NFIB: variants seen among roughly 807,000 people sequenced by gnomAD.
NFIB encodes the protein nuclear factor I B, also known as nuclear factor 1 B-type.
A neutral mutation model predicts 61.5 loss-of-function variants in NFIB; 11 were observed. That is an observed-to-expected ratio of 0.18 (90% CI 0.11 to 0.30). The LOEUF (loss-of-function observed/expected upper bound fraction) is 0.30. Among genes scored for constraint, NFIB ranks in the 10% least tolerant of loss-of-function variants. The pLI is 1.00. For synonymous variants in NFIB, 260 were observed against 216.5 expected, an observed-to-expected ratio of 1.20 and a Z score of -1.76; for missense variants, 471 against 608.9, an observed-to-expected ratio of 0.77 and a Z score of 2.38.
At chr9:14,202,385 G>C (rs1246242786) in intron 2 of NFIB, among the ~76,000 whole-genome samples, 1 of 152,126 alleles carries the variant, frequency 6.6e-6, no homozygotes, top group Non-Finnish European at 1.5e-5. Flanking sequence ...TTATCTTTCA[G>C]AATAGATGAA....
the NFIB span, among the ~76,000 whole-genome samples, chr9:14,485,438 A>G: frequency 2.0e-5 from 3 of 152,220 alleles, no homozygotes; most frequent in Non-Finnish European, 4.4e-5. Context: ...AAGAAGGTGT[A>G]TCAGTCTTCA....
chr9:14,522,287 C>T, the NFIB span, among the ~76,000 whole-genome samples: 3 of 151,698 alleles, frequency 2.0e-5, no homozygotes, highest in Non-Finnish European at 2.9e-5. Flanking sequence ...AATATTCCAG[C>T]GTTTATGTGT....
chr9:14,319,297 A>C (rs945857045), intron 1 of NFIB, among the ~76,000 whole-genome samples: 2 of 152,192 alleles, frequency 1.3e-5, no homozygotes, highest in African/African-American at 4.8e-5. Context: ...TCCTCCACTA[A>C]GGTTATCCGG....
At position 14,367,981 on chromosome 9, in the gene NFIB, A is replaced by T. The variant is rs554095915; in HGVS notation, c.108+30543T>A. 7.2e-5 allele frequency among the ~76,000 whole-genome samples: 11 copies of T among 152,262 alleles called. 1 individual carries two copies. The South Asian group carries it at 2.3e-3, about 32-fold the overall frequency. ...CTCCATGGCACGTGTATACCTATGT[A>T]ACAAACCTGCACGTTCTGCACATGT... is the stretch of plus-strand genomic sequence containing the variant. On this transcript the variant is annotated intron_variant, in intron 1 of 8. Coordinates refer to the NFIB transcript ENST00000380934.
chr9:14,114,706 T>C (rs2037869694), intron 9 of NFIB, among the ~76,000 whole-genome samples: 4 of 152,232 alleles, frequency 2.6e-5, no homozygotes, highest in Admixed American at 2.6e-4. Context: ...ATAAGTGAAC[T>C]GTGATCATTT....
intron 2 of NFIB, among the ~76,000 whole-genome samples, chr9:14,184,798 A>C (rs1239821991): frequency 1.3e-5 from 2 of 152,162 alleles, no homozygotes; most frequent in African/African-American, 4.8e-5. Context: ...AGGCAGGCAG[A>C]TTACTTGAGG....
At chr9:14,147,737 G>A (rs1164964126) in intron 5 of NFIB, among the ~76,000 whole-genome samples, 1 of 149,226 alleles carries the variant, frequency 6.7e-6, no homozygotes, top group African/African-American at 2.5e-5. Context: ...CACCTCCCAG[G>A]CTCAAACAAT....
chr9:14,407,835 A>G, the NFIB span, among the ~76,000 whole-genome samples: 23 of 152,042 alleles, frequency 1.5e-4, no homozygotes, highest in Admixed American at 1.5e-3. Flanking sequence ...ACAAGTGTGT[A>G]CCACCGTGCT....
At chr9:14,088,476 T>C (rs929922234) in intron 10 of NFIB, 150 bp from the exon 11 acceptor site, 4 of 787,974 alleles carry the variant, frequency 5.1e-6, no homozygotes, top group Non-Finnish European at 5.2e-6. Flanking sequence ...GAGATAAATG[T>C]GCCAAATTAT....
chr9:14,169,213 C>T (rs1054944244), intron 3 of NFIB, among the ~76,000 whole-genome samples: 5 of 152,098 alleles, frequency 3.3e-5, no homozygotes, highest in Non-Finnish European at 7.4e-5. Context: ...ATGACATTAA[C>T]AAGTGGAAGT....
the NFIB span, among the ~76,000 whole-genome samples, chr9:14,427,584 C>A: frequency 6.6e-6 from 1 of 152,174 alleles, no homozygotes; most frequent in Non-Finnish European, 1.5e-5. Flanking sequence ...CATTGTTACT[C>A]TGGATAAGGA....
At chr9:14,389,875 C>G (rs1310896074) in intron 1 of NFIB, among the ~76,000 whole-genome samples, 3 of 152,164 alleles carry the variant, frequency 2.0e-5, no homozygotes, top group Admixed American at 2.0e-4. Context: ...GATATAGAAT[C>G]AAAGAAATGT....
intron 4 of NFIB, among the ~76,000 whole-genome samples, chr9:14,154,308 A>G (rs2043157522): frequency 6.6e-6 from 1 of 152,082 alleles, no homozygotes; most frequent in African/African-American, 2.4e-5. Context: ...TTGAACTCAG[A>G]GAAGTACAAA....
the NFIB span, among the ~76,000 whole-genome samples, chr9:14,467,669 T>C: frequency 6.6e-5 from 10 of 152,370 alleles, no homozygotes; most frequent in South Asian, 1.4e-3. Flanking sequence ...TAAATATTTA[T>C]TGATTTGATA....
chr9:14,177,699 A>G (rs2046335953), intron 3 of NFIB, among the ~76,000 whole-genome samples: 1 of 152,190 alleles, frequency 6.6e-6, no homozygotes, highest in Non-Finnish European at 1.5e-5. Flanking sequence ...CATAAAATGT[A>G]TTTATCTGTA....
intron 6 of NFIB, among the ~76,000 whole-genome samples, chr9:14,136,791 G>T (rs1158188299): frequency 6.6e-6 from 1 of 152,050 alleles, no homozygotes; most frequent in Non-Finnish European, 1.5e-5. Context: ...GGTAGAAAAA[G>T]AATTACAAAA....
chr9:14,187,056 TG>T, intron 2 of NFIB, among the ~76,000 whole-genome samples: 1 of 134,874 alleles, frequency 7.4e-6, no homozygotes, highest in Admixed American at 7.6e-5. Context: ...TGTGTGTGTG[TG>T]TGTGTGTGTG....
chr9:14,373,046 C>T (rs939367765), intron 1 of NFIB, among the ~76,000 whole-genome samples: 4 of 152,158 alleles, frequency 2.6e-5, no homozygotes, highest in Admixed American at 1.3e-4. Flanking sequence ...GTTTATATAG[C>T]GTTTCCTCCT....
chr9:14,359,887 T>C (rs73641913), intron 1 of NFIB, among the ~76,000 whole-genome samples: 16,764 of 152,216 alleles, frequency 0.11, 1,376 homozygotes, highest in African/African-American at 0.23. Flanking sequence ...TAAAGTTAGA[T>C]TTAAAGAAAG....
Sources: allele counts gnomAD v4.1 joint callset (sites outside exome capture counted in the v4.1 genomes callset), GRCh38; gene constraint gnomAD v4.1.1; transcripts MANE v1.5; gene names NCBI Gene and HGNC (gene_info 2026-07-23, HGNC 2026-07-21).